Variants in ZNF582 observed in about 807,000 individuals in gnomAD.
ZNF582 encodes zinc finger protein 582.
A neutral mutation model predicts 12.3 loss-of-function variants in ZNF582; 14 were observed. The ratio of observed to expected loss-of-function variants is 1.14; its 90% confidence interval spans 0.75 to 1.78. ZNF582 has a LOEUF of 1.78. Ranked by LOEUF, ZNF582 falls within the 40% of genes most tolerant of loss-of-function variation. ZNF582 has a pLI of 0.00. For missense variants in ZNF582, 567 were observed against 616.5 expected (o/e 0.92, Z 0.85); for synonymous variants, 210 against 207.2 (o/e 1.01, Z -0.11).
intron 4 of ZNF582, among the ~76,000 whole-genome samples, chr19:56,388,855 G>A (rs566722307): frequency 2.0e-5 from 3 of 152,226 alleles, no homozygotes; most frequent in South Asian, 4.2e-4. Context: ...CTGGTCAAGT[G>A]ATTTGGCCGC....
chr19:56,383,622 A>G (rs2041936441), exon 5 of ZNF582: 1 of 369,344 alleles, frequency 2.7e-6, no homozygotes, highest in East Asian at 4.2e-5. Context: ...GCTCTTGATA[A>G]AATTACTACA....
chr19:56,384,367 T>C, exon 5 of ZNF582: 2 of 1,604,388 alleles, frequency 1.2e-6, no homozygotes, highest in Non-Finnish European at 1.7e-6. Flanking sequence ...GAGTTGAGCC[T>C]TGATTAAAAG....
At chr19:56,385,085 T>C (rs1159094631) in exon 5 of ZNF582, 1 of 1,613,986 alleles carries the variant, frequency 6.2e-7, no homozygotes, top group African/African-American at 1.3e-5. Context: ...CTCAAGACCA[T>C]AACTTGTAAG....
intron 4 of ZNF582, among the ~76,000 whole-genome samples, chr19:56,387,960 C>G (rs2041981895): frequency 1.3e-5 from 2 of 152,126 alleles, no homozygotes; most frequent in Middle Eastern, 3.2e-3. Flanking sequence ...GATTTATGAC[C>G]TACTAGTCAT....
chr19:56,383,746 G>C, exon 5 of ZNF582: 1 of 1,235,788 alleles, frequency 8.1e-7, no homozygotes, highest in Non-Finnish European at 1.1e-6. Flanking sequence ...AATTTTCTTT[G>C]ATATGAATTT....
intron 4 of ZNF582, chr19:56,386,168 C>A (rs553770195): frequency 6.2e-4 from 94 of 152,314 alleles, no homozygotes; most frequent in African/African-American, 2.1e-3. Context: ...GTGGTTGGAT[C>A]TGCAACCTGC....
chr19:56,389,853 A>G, intron 4 of ZNF582, 148 bp downstream of exon 4: 1 of 601,048 alleles, frequency 1.7e-6, no homozygotes, highest in South Asian at 2.2e-5. Context: ...CCTTTGTCAA[A>G]TGCTGCTGAC....
At chr19:56,389,269 C>G (rs899863753) in intron 4 of ZNF582, among the ~76,000 whole-genome samples, 2 of 152,178 alleles carry the variant, frequency 1.3e-5, no homozygotes, top group African/African-American at 4.8e-5. Context: ...TTCCATGGTG[C>G]ATAATAAAAG....
chr19:56,383,823 T>A (rs370076182), exon 5 of ZNF582: 56 of 1,508,690 alleles, frequency 3.7e-5, no homozygotes, highest in Non-Finnish European at 4.9e-5. Context: ...TCTTCAAGTC[T>A]TTCTCCAAGA....
chr19:56,390,037 T>G, exon 4 of ZNF582: 1 of 1,613,878 alleles, frequency 6.2e-7, no homozygotes, highest in Non-Finnish European at 8.5e-7. Context: ...CTCTCCACCA[T>G]CCAGGGCTCT....
At chr19:56,390,745 G>T (rs2042008270) in intron 2 of ZNF582, among the ~76,000 whole-genome samples, 2 of 152,100 alleles carry the variant, frequency 1.3e-5, no homozygotes, top group Admixed American at 1.3e-4. Context: ...TTAAAATCAA[G>T]CTAAATGGAG....
chr19:56,388,865 C>T (rs1347392766), intron 4 of ZNF582, among the ~76,000 whole-genome samples: 2 of 152,154 alleles, frequency 1.3e-5, no homozygotes, highest in East Asian at 3.9e-4. Flanking sequence ...GATTTGGCCG[C>T]CTCAGCCTCC....
chr19:56,389,974 C>T (rs769626109), intron 4 of ZNF582, 27 bp downstream of exon 4: 6 of 1,595,218 alleles, frequency 3.8e-6, no homozygotes, highest in South Asian at 1.1e-5. Flanking sequence ...GCAGTGGCTG[C>T]TCCCTTCCCA....
At chr19:56,384,909 G>A (rs753825380) in exon 5 of ZNF582, 1 of 1,613,970 alleles carries the variant, frequency 6.2e-7, no homozygotes, top group South Asian at 1.1e-5. Context: ...TACCCAAAAG[G>A]TTTTTCTCTA....
chr19:56,390,300 A>G, intron 3 of ZNF582, 75 bp downstream of exon 3: 1 of 1,602,908 alleles, frequency 6.2e-7, no homozygotes, highest in Non-Finnish European at 8.5e-7. Context: ...CATAAGACTG[A>G]AAAGCACCCA....
At chr19:56,393,361 TCTC>T in exon 1 of ZNF582, 1 of 957,230 alleles carries the variant, frequency 1.0e-6, no homozygotes, top group South Asian at 1.3e-5. Context: ...TCTGCGTTCT[TCTC>T]AGGCCTGAGA....
At chr19:56,393,280 C>A (rs1334352745) in exon 1 of ZNF582, 2 of 1,242,980 alleles carry the variant, frequency 1.6e-6, no homozygotes, top group Non-Finnish European at 2.1e-6. Context: ...CCAGAAAGCG[C>A]ACGCCGCGAG....
rs190311165 is a variant in ZNF582, at chr19:56,388,080, T to A, written c.232+1921A>T. 6.6e-5 allele frequency among the ~76,000 whole-genome samples: 10 copies of A among 151,838 alleles called. No individual in the cohort carries two copies. The East Asian group carries it at 1.2e-3, about 18-fold the overall frequency. On this transcript the variant is annotated intron_variant, in intron 4 of 4. Transcript: ENST00000586929. Reference sequence around the variant, plus strand: ...ATTGTGTGGACTTCTTCTGTATTTATGTTAACTAGCTTTTACTGAATTGTT... The same window carrying A: ...ATTGTGTGGACTTCTTCTGTATTTAAGTTAACTAGCTTTTACTGAATTGTT...
At chr19:56,393,397 T>G (rs542004830) in exon 1 of ZNF582, 1 of 631,750 alleles carries the variant, frequency 1.6e-6, no homozygotes, top group South Asian at 1.4e-5. Flanking sequence ...GGGCACCAGC[T>G]CCTGCTGGAC....
Sources: allele counts gnomAD v4.1 joint callset (sites outside exome capture counted in the v4.1 genomes callset), GRCh38; gene constraint gnomAD v4.1.1; transcripts MANE v1.5; gene names NCBI Gene and HGNC (gene_info 2026-07-23, HGNC 2026-07-21).